The following STAM variants were observed in gnomAD, a reference collection of about 807,000 sequenced individuals.
STAM encodes the protein signal transducing adapter molecule 1.
In STAM, 16 loss-of-function variants were observed where a neutral mutation model predicts 63.4. The ratio of observed to expected loss-of-function variants is 0.25; its 90% CI spans 0.17 to 0.38. The LOEUF is 0.38. Ranked by LOEUF, STAM falls within the 10% of genes least tolerant of loss-of-function variation. The pLI is 1.00. For synonymous variants in STAM, 238 were observed against 223.9 expected, an observed-to-expected ratio of 1.06 and a Z score of -0.56; for missense variants, 636 against 657.1, an observed-to-expected ratio of 0.97 and a Z score of 0.35.
rs1554820494 is a variant in STAM, at chr10:17,644,291, C to T, written c.-49C>T. The T allele has an allele frequency of 2.5e-6, 4 of 1,609,680 alleles. No individual in the cohort carries two copies. The highest frequency in any genetic ancestry group is 3.4e-6 in the Non-Finnish European group (4 of 1,176,314). ...TCCATCCTACGTCGAGCTCTGACTC[C>T]CGTGCTGTCGAGAGGGAGTCCCCGG... On this transcript the variant is annotated 5_prime_UTR_variant, in exon 1 of 14. Transcript: ENST00000377524.
chr10:17,659,240 T>G (rs1488449888), intron 1 of STAM, among the ~76,000 whole-genome samples: 4 of 152,132 alleles, frequency 2.6e-5, no homozygotes, highest in Non-Finnish European at 4.4e-5. Context: ...GAAAATATTA[T>G]TAATTCCTCC....
At chr10:17,649,505 T>G (rs1350343582) in intron 1 of STAM, among the ~76,000 whole-genome samples, 4 of 152,212 alleles carry the variant, frequency 2.6e-5, no homozygotes, top group African/African-American at 9.6e-5. Context: ...AATTGATTGA[T>G]TATCTTTTGT....
At chr10:17,686,337 T>G (rs971647304) in intron 4 of STAM, among the ~76,000 whole-genome samples, 2 of 152,078 alleles carry the variant, frequency 1.3e-5, no homozygotes, top group Non-Finnish European at 2.9e-5. Context: ...TCTGAATGTT[T>G]TACAGTGAAC....
chr10:17,712,800 CTT>C (rs1836613930), intron 13 of STAM, among the ~76,000 whole-genome samples: 1 of 152,042 alleles, frequency 6.6e-6, no homozygotes, highest in South Asian at 2.1e-4. Context: ...GAATTTTTTT[CTT>C]TCTTTTTTTA....
At chr10:17,709,117 C>A (rs956844245) in intron 13 of STAM, among the ~76,000 whole-genome samples, 166 bp downstream of exon 13, 11 of 152,194 alleles carry the variant, frequency 7.2e-5, no homozygotes, top group Admixed American at 2.0e-4. Flanking sequence ...TATTCCAGTA[C>A]CAGCCAGCAA....
chr10:17,696,145 C>T (rs1179173350), intron 7 of STAM: 1 of 151,848 alleles, frequency 6.6e-6, no homozygotes, highest in African/African-American at 2.4e-5. Flanking sequence ...AAGACACAAA[C>T]ATTCAGACAT....
At chr10:17,675,077 CAGAT>C (rs1449971471) in intron 2 of STAM, among the ~76,000 whole-genome samples, 3 of 152,168 alleles carry the variant, frequency 2.0e-5, no homozygotes, top group East Asian at 3.9e-4. Flanking sequence ...GAACAGCTGA[CAGAT>C]AGGGAATCTT....
chr10:17,645,713 T>C (rs1833493608), intron 1 of STAM, among the ~76,000 whole-genome samples: 1 of 152,002 alleles, frequency 6.6e-6, no homozygotes, highest in Non-Finnish European at 1.5e-5. Flanking sequence ...AATTGGAAAA[T>C]TGCATTTAAT....
At chr10:17,652,776 T>C (rs1833790753) in intron 1 of STAM, among the ~76,000 whole-genome samples, 1 of 152,170 alleles carries the variant, frequency 6.6e-6, no homozygotes, top group Non-Finnish European at 1.5e-5. Context: ...GTAAGTGATA[T>C]TGTTCAGAAT....
At chr10:17,677,333 A>G (rs1447129535) in intron 2 of STAM, among the ~76,000 whole-genome samples, 1 of 152,200 alleles carries the variant, frequency 6.6e-6, no homozygotes, top group Non-Finnish European at 1.5e-5. Flanking sequence ...TACATAATCA[A>G]TTTTATTTAA....
intron 8 of STAM, among the ~76,000 whole-genome samples, chr10:17,698,354 T>G (rs61842346): frequency 0.019 from 2,913 of 152,220 alleles, 30 homozygotes; most frequent in Middle Eastern, 0.027. Context: ...CTGGAGAGGA[T>G]AGAATTGCTT....
At position 17,695,125 on chromosome 10, in the gene STAM, C is replaced by G; in HGVS notation, c.612C>G (p.Leu204=). The G allele has an allele frequency of 6.2e-7, 1 of 1,614,138 alleles. No individual in the cohort carries two copies. Among genetic ancestry groups the G allele is most frequent in the East Asian group, 2.2e-5 (1 of 44,864 alleles). Residue 204 remains leucine (L), a synonymous_variant, in exon 7 of 14, where the codon CTC becomes CTG. Coordinates refer to ENST00000377524, the MANE Select transcript of STAM (RefSeq NM_003473.4). ...CTTTGTATCCAAGCACATCCAGTCTCTTAACTAACCACCAACATGAAGGCC... is the reference window on the plus strand; with the variant it reads ...CTTTGTATCCAAGCACATCCAGTCTGTTAACTAACCACCAACATGAAGGCC... ...LSTLYPSTSS[L]LTNHQHEGRK... is the part of the protein sequence containing the mutation.
chr10:17,661,791 A>G (rs1164820768), intron 2 of STAM, among the ~76,000 whole-genome samples: 2 of 152,116 alleles, frequency 1.3e-5, no homozygotes, highest in South Asian at 2.1e-4. Flanking sequence ...GCATAGCCAA[A>G]TGGTGCAGAG....
chr10:17,687,037 T>C (rs187990042), intron 4 of STAM, among the ~76,000 whole-genome samples: 1 of 152,244 alleles, frequency 6.6e-6, no homozygotes, highest in East Asian at 1.9e-4. Context: ...ACTGGCCAGG[T>C]TTTTTCCCTT....
intron 2 of STAM, among the ~76,000 whole-genome samples, chr10:17,663,278 C>T (rs1554823089): frequency 6.7e-6 from 1 of 149,634 alleles, no homozygotes; most frequent in Non-Finnish European, 1.5e-5. Context: ...TAATTTATAG[C>T]TTTAAAAATA....
chr10:17,714,860 T>C lies in STAM; in HGVS notation c.*80T>C. On this transcript the variant is annotated 3_prime_UTR_variant, in exon 14 of 14. Transcript: ENST00000377524. The stretch of plus-strand genomic sequence containing the variant: ...TGAGATTCATTACTATCTTAAGATG[T>C]GTTTATCCTCAGCTTATAGGAATCT... 1 of 1,315,682 alleles carries C rather than the reference T, an allele frequency of 7.6e-7. No individual in the cohort carries two copies. The highest frequency in any genetic ancestry group is 1.1e-6 in the Non-Finnish European group (1 of 913,500). 81.5% of individuals were successfully genotyped at this position (1,315,682 alleles called of 1,614,324 possible).
At chr10:17,650,675 T>C (rs1833701001) in intron 1 of STAM, among the ~76,000 whole-genome samples, 1 of 152,212 alleles carries the variant, frequency 6.6e-6, no homozygotes, top group Non-Finnish European at 1.5e-5. Flanking sequence ...CTTCCAGCTG[T>C]TCTTCCCTGC....
At chr10:17,668,066 T>G (rs1834469944) in intron 2 of STAM, among the ~76,000 whole-genome samples, 1 of 152,168 alleles carries the variant, frequency 6.6e-6, no homozygotes, top group African/African-American at 2.4e-5. Context: ...GTTAATAAGA[T>G]GTGATAGAAG....
intron 2 of STAM, 102 bp from the exon 3 acceptor site, chr10:17,684,573 C>T: frequency 6.1e-6 from 5 of 819,584 alleles, no homozygotes; most frequent in Non-Finnish European, 9.3e-6. Context: ...CCTACTTTAT[C>T]ATAGTCTCCC....
Sources: allele counts gnomAD v4.1 joint callset (sites outside exome capture counted in the v4.1 genomes callset), GRCh38; gene constraint gnomAD v4.1.1; transcripts MANE v1.5; gene names NCBI Gene and HGNC (gene_info 2026-07-23, HGNC 2026-07-21).